MGAT4C: variants seen among roughly 807,000 people sequenced by gnomAD.
MGAT4C encodes MGAT4 family member C.
In MGAT4C, 19 loss-of-function variants were observed where a neutral mutation model predicts 40.1. That is an observed-to-expected ratio of 0.47 (90% CI 0.33 to 0.70). The LOEUF is 0.70. Among genes scored for constraint, MGAT4C ranks in the 30% least tolerant of loss-of-function variants. The pLI is 0.02. For missense variants in MGAT4C, 491 were observed against 563.2 expected (o/e 0.87, Z 1.30); for synonymous variants, 181 against 187.1 (o/e 0.97, Z 0.27).
At chr12:86,778,083 T>C (rs1360480826) in intron 1 of MGAT4C, among the ~76,000 whole-genome samples, 1 of 152,186 alleles carries the variant, frequency 6.6e-6, no homozygotes, top group African/African-American at 2.4e-5. Flanking sequence ...ACAAATTGCT[T>C]GGCCTGCATC....
chr12:86,683,236 A>C (rs530414906), intron 2 of MGAT4C, among the ~76,000 whole-genome samples: 1 of 152,202 alleles, frequency 6.6e-6, no homozygotes. Context: ...GGCACAAAAG[A>C]AAGATTCAAT....
At chr12:86,311,278 AACTC>A (rs374287678) in intron 4 of MGAT4C, among the ~76,000 whole-genome samples, 46 of 152,310 alleles carry the variant, frequency 3.0e-4, no homozygotes, top group African/African-American at 1.1e-3. Flanking sequence ...TTACCGTACT[AACTC>A]TATAGGCAAT....
chr12:85,989,297 T>A (rs1885611277), intron 3 of MGAT4C, 103 bp downstream of exon 3: 2 of 1,148,334 alleles, frequency 1.7e-6, no homozygotes, highest in African/African-American at 3.2e-5. Flanking sequence ...TCAAACTAAG[T>A]CTTCTCCAAT....
intron 2 of MGAT4C, chr12:86,022,620 A>T (rs1229163395): frequency 1.3e-5 from 2 of 152,174 alleles, no homozygotes; most frequent in Non-Finnish European, 2.9e-5. Flanking sequence ...AGAGGCTAAG[A>T]CAGAGGATCA....
intron 1 of MGAT4C, among the ~76,000 whole-genome samples, chr12:86,769,625 A>C (rs1310831341): frequency 6.6e-6 from 1 of 152,158 alleles, no homozygotes; most frequent in Non-Finnish European, 1.5e-5. Flanking sequence ...CAAATATCCA[A>C]CAATGATAGA....
intron 2 of MGAT4C, among the ~76,000 whole-genome samples, chr12:86,047,191 T>C (rs1892483150): frequency 6.6e-6 from 1 of 152,150 alleles, no homozygotes; most frequent in African/African-American, 2.4e-5. Context: ...ATTCTAGGCA[T>C]AGCAGTTGTT....
chr12:86,181,027 AG>A (rs1353189126), intron 1 of MGAT4C, among the ~76,000 whole-genome samples: 1 of 152,136 alleles, frequency 6.6e-6, no homozygotes, highest in Admixed American at 6.5e-5. Context: ...AGAGGGACCC[AG>A]GGGGAGGTAA....
intron 1 of MGAT4C, among the ~76,000 whole-genome samples, chr12:86,834,000 C>A (rs1271196329): frequency 1.3e-5 from 2 of 151,610 alleles, no homozygotes; most frequent in African/African-American, 4.8e-5. Context: ...CATAAATGAC[C>A]AAATTTCTTT....
At chr12:86,810,959 A>T (rs562367141) in intron 1 of MGAT4C, among the ~76,000 whole-genome samples, 1 of 148,900 alleles carries the variant, frequency 6.7e-6, no homozygotes, top group Non-Finnish European at 1.5e-5. Flanking sequence ...TCTGAGTTTA[A>T]TTTGCTCTTC....
At chr12:86,770,818 T>G (rs1454900809) in intron 1 of MGAT4C, among the ~76,000 whole-genome samples, 1 of 152,094 alleles carries the variant, frequency 6.6e-6, no homozygotes. Context: ...AGTGTATAAA[T>G]TTTAAGTTGT....
At chr12:86,357,005 G>A (rs999797804) in intron 3 of MGAT4C, among the ~76,000 whole-genome samples, 2 of 152,202 alleles carry the variant, frequency 1.3e-5, no homozygotes, top group Admixed American at 6.5e-5. Flanking sequence ...TGAGATCTGA[G>A]AATGGATAGA....
At chr12:86,558,587 C>T (rs1472569796) in intron 2 of MGAT4C, among the ~76,000 whole-genome samples, 1 of 151,860 alleles carries the variant, frequency 6.6e-6, no homozygotes, top group African/African-American at 2.4e-5. Flanking sequence ...AAAATTTTTC[C>T]CAGACAAACA....
At chr12:86,015,463 A>G (rs1195588493) in intron 2 of MGAT4C, among the ~76,000 whole-genome samples, 3 of 152,134 alleles carry the variant, frequency 2.0e-5, no homozygotes, top group Non-Finnish European at 4.4e-5. Context: ...ACTGTACGGA[A>G]GGCAGAGGTC....
intron 2 of MGAT4C, among the ~76,000 whole-genome samples, chr12:86,640,117 C>T (rs1009339338): frequency 5.3e-5 from 8 of 151,700 alleles, no homozygotes; most frequent in Non-Finnish European, 1.0e-4. Flanking sequence ...ATAAACCTCA[C>T]ATTGCACCCC....
chr12:85,991,350 G>A (rs1331751831), intron 2 of MGAT4C, among the ~76,000 whole-genome samples: 1 of 152,148 alleles, frequency 6.6e-6, no homozygotes, highest in Non-Finnish European at 1.5e-5. Context: ...GGACAGCCAT[G>A]GGCGGGCCCA....
At chr12:86,653,326 A>T (rs544904052) in intron 2 of MGAT4C, among the ~76,000 whole-genome samples, 82 of 151,996 alleles carry the variant, frequency 5.4e-4, no homozygotes, top group South Asian at 1.7e-3. Flanking sequence ...TCACCTCAAA[A>T]AGCTTTTTTT....
intron 2 of MGAT4C, among the ~76,000 whole-genome samples, chr12:86,652,003 C>G (rs1213968496): frequency 6.6e-6 from 1 of 151,834 alleles, no homozygotes; most frequent in East Asian, 1.9e-4. Context: ...CCAAACCAGA[C>G]CAGTCTCTGT....
intron 2 of MGAT4C, among the ~76,000 whole-genome samples, chr12:86,494,604 C>A (rs1235155295): frequency 6.6e-6 from 1 of 151,182 alleles, no homozygotes; most frequent in Non-Finnish European, 1.5e-5. Context: ...AGAAACCCCA[C>A]AAACCATAGC....
chr12:86,461,111 G>T (rs775564850), intron 2 of MGAT4C, among the ~76,000 whole-genome samples: 31 of 151,938 alleles, frequency 2.0e-4, no homozygotes, highest in East Asian at 1.9e-4. Flanking sequence ...GTTTATCATG[G>T]GAATAGGTAT....
Sources: gnomAD v4.1 joint callset for allele counts (sites outside exome capture counted in the v4.1 genomes callset) on GRCh38, gnomAD v4.1.1 for gene constraint, MANE v1.5 for transcripts, NCBI Gene and HGNC (gene_info 2026-07-23, HGNC 2026-07-21) for gene names.